MIB1: variants seen among roughly 807,000 people sequenced by gnomAD.
MIB1 encodes the protein MIB E3 ubiquitin protein ligase 1, also known as E3 ubiquitin-protein ligase MIB1.
Under a neutral mutation model 124.5 loss-of-function variants are expected in MIB1, and 278 were observed. The observed-to-expected ratio is 2.23, with a 90% CI of 2.02 to 2.47. The LOEUF (loss-of-function observed/expected upper bound fraction) is 2.47. Among genes scored for constraint, MIB1 ranks in the 30% most tolerant of loss-of-function variants. MIB1 has a pLI of 0.00. For synonymous variants in MIB1, 446 were observed against 429.4 expected, an observed-to-expected ratio of 1.04 and a Z score of -0.48; for missense variants, 957 against 1,254.4, an observed-to-expected ratio of 0.76 and a Z score of 3.58.
chr18:21,752,154 A>T (rs1413100192), intron 1 of MIB1, among the ~76,000 whole-genome samples: 1 of 152,220 alleles, frequency 6.6e-6, no homozygotes, highest in African/African-American at 2.4e-5. Context: ...TTACTATTGT[A>T]GTAGTACTGG....
chr18:21,777,801 G>A (rs1032382641), intron 4 of MIB1, among the ~76,000 whole-genome samples: 2 of 152,062 alleles, frequency 1.3e-5, no homozygotes, highest in East Asian at 1.9e-4. Flanking sequence ...CAAGTGATCC[G>A]CCCATCTTGG....
chr18:21,813,695 C>T (rs2041799482), intron 10 of MIB1, among the ~76,000 whole-genome samples: 1 of 152,172 alleles, frequency 6.6e-6, no homozygotes, highest in Non-Finnish European at 1.5e-5. Flanking sequence ...TTTGAATGAA[C>T]TATTTAAGTG....
At chr18:21,730,222 T>C (rs1470280395) in intron 1 of MIB1, among the ~76,000 whole-genome samples, 48 of 152,332 alleles carry the variant, frequency 3.2e-4, no homozygotes, top group Non-Finnish European at 7.3e-5. Flanking sequence ...TTTCATGTTT[T>C]CCTTTCTTCG....
At chr18:21,804,575 T>A (rs1023441303) in intron 10 of MIB1, among the ~76,000 whole-genome samples, 4 of 152,238 alleles carry the variant, frequency 2.6e-5, no homozygotes, top group African/African-American at 9.6e-5. Flanking sequence ...TGACTGGGGA[T>A]CTCTCTGTAT....
At chr18:21,740,025 C>T (rs1054600871), upstream of MIB1, among the ~76,000 whole-genome samples, 2 of 152,212 alleles carry the variant, frequency 1.3e-5, no homozygotes, top group East Asian at 1.9e-4. Flanking sequence ...TGTCTTTTCC[C>T]TTGATTATCC....
chr18:21,787,726 G>A (rs1045566683), intron 6 of MIB1, among the ~76,000 whole-genome samples: 15 of 151,176 alleles, frequency 9.9e-5, no homozygotes, highest in Admixed American at 8.6e-4. Flanking sequence ...TGAGTTCTGG[G>A]ATATTGCTGG....
chr18:21,741,718 C>A lies in MIB1; in HGVS notation c.135C>A (p.Pro45=). ...GCACCGTCCGGAGCTTCGAGAGCCC[C>A]GAGGAGGTGGTGGTAGTGTGGGACA... ...HVGTVRSFES[P]EEVVVVWDNG... The change falls in exon 1 of 21, where the codon CCC becomes CCA. Residue 45 remains proline, a synonymous_variant. Coordinates refer to ENST00000261537, the MANE Select transcript of MIB1 (RefSeq NM_020774.4). This position sits in a 1 kb window ranked among gnomAD's most constrained non-coding sequence, Gnocchi z 5.4. 1 of 1,611,546 alleles carries A rather than the reference C, an allele frequency of 6.2e-7. No individual in the cohort carries two copies.
In MIB1 at chr18:21,741,638, G is replaced by A. The variant is rs773698970; in HGVS notation, c.55G>A (p.Val19Met). Residue 19 changes from valine (V) to methionine (M), a missense_variant, in exon 1 of 21, where the codon GTG becomes ATG. Transcript: ENST00000261537. The surrounding 1 kb of genome is among the most constrained non-coding windows in gnomAD (Gnocchi z 5.4). ...GGTGGAAGGGGTTGGCGCTCGGGTA[G>A]TGCGCGGCCCGGACTGGAAGTGGGG... is the stretch of plus-strand genomic sequence containing the variant. ...VMVEGVGARV[V>M]RGPDWKWGKQ... 39 of 1,609,136 alleles carry A rather than the reference G, an allele frequency of 2.4e-5. No individual in the cohort carries two copies. The highest frequency in any genetic ancestry group is 2.7e-5 in the Non-Finnish European group (32 of 1,178,580).
intron 16 of MIB1, among the ~76,000 whole-genome samples, chr18:21,848,532 T>G (rs1051329215): frequency 2.0e-5 from 3 of 152,180 alleles, no homozygotes; most frequent in African/African-American, 7.2e-5. Context: ...GAGTCTAAGG[T>G]GGACCCTCTG....
At chr18:21,776,360 T>C (rs1319913647) in intron 4 of MIB1, among the ~76,000 whole-genome samples, 1 of 151,636 alleles carries the variant, frequency 6.6e-6, no homozygotes, top group East Asian at 1.9e-4. Flanking sequence ...TATAAAAGAG[T>C]TGGGTACTGT....
At chr18:21,776,286 A>T (rs2041285387) in intron 4 of MIB1, among the ~76,000 whole-genome samples, 1 of 136,966 alleles carries the variant, frequency 7.3e-6, no homozygotes, top group African/African-American at 2.7e-5. Flanking sequence ...AAAAAAAAAA[A>T]TCCCAAAAAA....
At chr18:21,811,921 T>C (rs2041778404) in intron 10 of MIB1, among the ~76,000 whole-genome samples, 1 of 152,130 alleles carries the variant, frequency 6.6e-6, no homozygotes, top group Non-Finnish European at 1.5e-5. Context: ...AAAATCATGA[T>C]GGTTATTTAA....
At chr18:21,773,470 A>C (rs560980852) in intron 3 of MIB1, among the ~76,000 whole-genome samples, 154 bp from the exon 4 acceptor site, 1 of 152,362 alleles carries the variant, frequency 6.6e-6, no homozygotes, top group Admixed American at 6.5e-5. Context: ...TAACTATGTT[A>C]GCAGTGACAT....
At chr18:21,735,290 A>G (rs2040791278) in intron 1 of MIB1, among the ~76,000 whole-genome samples, 1 of 152,170 alleles carries the variant, frequency 6.6e-6, no homozygotes, top group South Asian at 2.1e-4. Flanking sequence ...CCCCAAGCCA[A>G]GGGAAGCTGT....
intron 1 of MIB1, among the ~76,000 whole-genome samples, chr18:21,710,827 A>ATTTTTT (rs34702356): frequency 4.3e-5 from 5 of 117,032 alleles, no homozygotes; most frequent in Admixed American, 9.2e-5. Flanking sequence ...TAATTGACTG[A>ATTTTTT]TTTTTTTTTT....
intron 4 of MIB1, among the ~76,000 whole-genome samples, chr18:21,774,725 A>G (rs566895080): frequency 2.0e-5 from 3 of 152,168 alleles, no homozygotes; most frequent in Admixed American, 2.0e-4. Context: ...TCCTTTTTAA[A>G]AATCAACTGT....
At position 21,846,055 on chromosome 18, in the gene MIB1, C is replaced by T. The variant is rs540988152; in HGVS notation, c.2212-889C>T. ...TATGTTTTTAGCTATTTGATACCAGCCCCCAGTCTTAATTACTGTCTACAT... is the reference window on the plus strand; with the variant it reads ...TATGTTTTTAGCTATTTGATACCAGTCCCCAGTCTTAATTACTGTCTACAT... On this transcript the variant is annotated intron_variant, in intron 15 of 20. Coordinates refer to ENST00000261537, the MANE Select transcript of MIB1 (RefSeq NM_020774.4). 2.6e-5 allele frequency among the ~76,000 whole-genome samples: 4 copies of T among 152,308 alleles called. No individual in the cohort carries two copies. In the South Asian group the frequency reaches 8.3e-4, roughly 32 times the overall value.
upstream of MIB1, among the ~76,000 whole-genome samples, chr18:21,736,980 AG>A (rs1355596573): frequency 6.6e-6 from 1 of 152,240 alleles, no homozygotes; most frequent in Non-Finnish European, 1.5e-5. Context: ...CAACCTAGTA[AG>A]GCAGGCCAAC....
chr18:21,818,006 A>G (rs945923063), intron 11 of MIB1, among the ~76,000 whole-genome samples: 8 of 152,370 alleles, frequency 5.3e-5, no homozygotes, highest in African/African-American at 1.4e-4. Flanking sequence ...ATAAAAACTT[A>G]CTGCTAAGTC....
Sources: gnomAD v4.1 joint callset for allele counts (sites outside exome capture counted in the v4.1 genomes callset) on GRCh38, gnomAD v4.1.1 for gene constraint, Gnocchi (gnomAD v3.1) non-coding constraint, MANE v1.5 for transcripts, NCBI Gene and HGNC (gene_info 2026-07-23, HGNC 2026-07-21) for gene names.